SLC4A10: variants seen among roughly 807,000 people sequenced by gnomAD.
The protein encoded by SLC4A10 is solute carrier family 4 member 10.
A neutral mutation model predicts 137.7 loss-of-function variants in SLC4A10; 42 were observed. The observed-to-expected ratio is 0.30, with a 90% CI of 0.24 to 0.39. SLC4A10 has a LOEUF of 0.39. SLC4A10 is among the 10% of genes least tolerant of loss of function. The pLI is 1.00. For synonymous variants in SLC4A10, 474 were observed against 464.1 expected, an observed-to-expected ratio of 1.02 and a Z score of -0.27; for missense variants, 925 against 1,355.0, an observed-to-expected ratio of 0.68 and a Z score of 4.98.
chr2:161,806,819 G>T (rs576297278), intron 3 of SLC4A10, among the ~76,000 whole-genome samples: 3 of 152,150 alleles, frequency 2.0e-5, no homozygotes, highest in African/African-American at 2.4e-5. Flanking sequence ...TCCAACTTCT[G>T]CCTGTTACCC....
intron 15 of SLC4A10, among the ~76,000 whole-genome samples, chr2:161,936,726 C>A (rs1575733417): frequency 6.6e-6 from 1 of 152,080 alleles, no homozygotes; most frequent in African/African-American, 2.4e-5. Flanking sequence ...TTTCAAAACA[C>A]CAACCTTTAG....
intron 3 of SLC4A10, among the ~76,000 whole-genome samples, chr2:161,830,317 A>G (rs1167462528): frequency 6.6e-6 from 1 of 152,186 alleles, no homozygotes; most frequent in African/African-American, 2.4e-5. Context: ...TATTTCTTAT[A>G]CAATGGCAGT....
chr2:161,751,139 G>A (rs1263604536), intron 1 of SLC4A10, among the ~76,000 whole-genome samples: 2 of 151,624 alleles, frequency 1.3e-5, no homozygotes, highest in Admixed American at 6.6e-5. Flanking sequence ...TAGACAGCAT[G>A]CGGTTGGATC....
intron 1 of SLC4A10, among the ~76,000 whole-genome samples, chr2:161,736,031 C>A (rs1559136706): frequency 6.6e-6 from 1 of 151,756 alleles, no homozygotes; most frequent in Non-Finnish European, 1.5e-5. Context: ...TTAAAACTAG[C>A]TTTATTTATC....
intron 1 of SLC4A10, among the ~76,000 whole-genome samples, chr2:161,645,058 T>C (rs527965057): frequency 1.3e-5 from 2 of 152,258 alleles, no homozygotes; most frequent in South Asian, 4.1e-4. Context: ...CAAAAGCAAT[T>C]GAGAATTGGA....
In SLC4A10 at chr2:161,872,275, C is replaced by T; in HGVS notation, c.767-18C>T. ...ATGTAAGTAATTGTTTGTATTCTGT[C>T]ACAACAATCTCTTTTAGCAGGTCAG... On this transcript the variant is annotated intron_variant, in intron 6 of 26. Transcript: ENST00000446997. 1.9e-6 allele frequency: 3 copies of T among 1,592,296 alleles called. No individual in the cohort carries two copies. Among genetic ancestry groups the T allele is most frequent in the Non-Finnish European group, 2.6e-6 (3 of 1,160,736 alleles).
chr2:161,918,988 C>T (rs752495154), intron 15 of SLC4A10, among the ~76,000 whole-genome samples: 6 of 152,208 alleles, frequency 3.9e-5, no homozygotes, highest in Admixed American at 1.3e-4. Flanking sequence ...TGGAAAGCCC[C>T]CTCCCCCCAT....
chr2:161,864,823 A>C (rs1330276100), intron 6 of SLC4A10, among the ~76,000 whole-genome samples: 2 of 152,124 alleles, frequency 1.3e-5, no homozygotes, highest in Non-Finnish European at 2.9e-5. Context: ...ATATTCTAAG[A>C]GATGTATTAC....
At chr2:161,753,948 G>A (rs372600296) in intron 1 of SLC4A10, among the ~76,000 whole-genome samples, 1 of 151,572 alleles carries the variant, frequency 6.6e-6, no homozygotes, top group Middle Eastern at 3.4e-3. Context: ...GGAGTGCAGT[G>A]GCGCAATCTT....
At chr2:161,981,773 G>A (rs566258330) in intron 26 of SLC4A10, among the ~76,000 whole-genome samples, 1 of 152,316 alleles carries the variant, frequency 6.6e-6, no homozygotes, top group Admixed American at 6.5e-5. Flanking sequence ...AAAGAAAAGG[G>A]AGGAAAGTTG....
chr2:161,785,593 G>A (rs2053531414), intron 2 of SLC4A10, among the ~76,000 whole-genome samples: 1 of 151,698 alleles, frequency 6.6e-6, no homozygotes, highest in Admixed American at 6.6e-5. Flanking sequence ...AATGTGATGT[G>A]CCACATTCAC....
At position 161,949,613 on chromosome 2, in the gene SLC4A10, A is replaced by G. The variant is rs1164748811; in HGVS notation, c.2379+352A>G. 2.6e-5 allele frequency among the ~76,000 whole-genome samples: 4 copies of G among 152,188 alleles called. 1 individual carries two copies. In the South Asian group the frequency reaches 8.3e-4, roughly 32 times the overall value. On this transcript the variant is annotated intron_variant, in intron 18 of 26. Transcript: ENST00000446997. ...ACAGTGAATAAGGCTTGGAAAACAG[A>G]TAAAAATAGATTGGGAATAGAATTC...
intron 3 of SLC4A10, among the ~76,000 whole-genome samples, chr2:161,827,816 C>T (rs571170018): frequency 5.1e-4 from 77 of 152,266 alleles, no homozygotes; most frequent in African/African-American, 1.8e-3. Flanking sequence ...CCGCCCTTCT[C>T]GGCCTCCCAA....
At chr2:161,815,343 A>T (rs1244953511) in intron 3 of SLC4A10, among the ~76,000 whole-genome samples, 4 of 152,014 alleles carry the variant, frequency 2.6e-5, no homozygotes, top group Non-Finnish European at 5.9e-5. Flanking sequence ...GATCTGAAGG[A>T]TTTATAAGGC....
chr2:161,746,784 T>C (rs1191700742), intron 1 of SLC4A10, among the ~76,000 whole-genome samples: 1 of 152,264 alleles, frequency 6.6e-6, no homozygotes, highest in Non-Finnish European at 1.5e-5. Flanking sequence ...GCCCAAGCAC[T>C]CTTTAGTCAG....
At chr2:161,971,695 A>C (rs1286328390) in intron 23 of SLC4A10, among the ~76,000 whole-genome samples, 2 of 152,156 alleles carry the variant, frequency 1.3e-5, no homozygotes, top group Non-Finnish European at 2.9e-5. Context: ...GCTTTCTCAC[A>C]GTGCTGCCGG....
At chr2:161,922,426 A>G (rs1559540700) in intron 15 of SLC4A10, among the ~76,000 whole-genome samples, 1 of 152,284 alleles carries the variant, frequency 6.6e-6, no homozygotes, top group East Asian at 1.9e-4. Context: ...TGTATTCATA[A>G]AAGGATTGTC....
chr2:161,813,458 A>G (rs758401523), intron 3 of SLC4A10, among the ~76,000 whole-genome samples: 1 of 152,150 alleles, frequency 6.6e-6, no homozygotes, highest in Non-Finnish European at 1.5e-5. Flanking sequence ...ATGGTTGTCC[A>G]TAAGAATGGG....
intron 1 of SLC4A10, among the ~76,000 whole-genome samples, chr2:161,724,309 A>G (rs2045997337): frequency 6.6e-6 from 1 of 152,210 alleles, no homozygotes; most frequent in Non-Finnish European, 1.5e-5. Flanking sequence ...TACTTTCAAG[A>G]TAATTTTTAG....
Sources: allele counts gnomAD v4.1 joint callset (sites outside exome capture counted in the v4.1 genomes callset), GRCh38; gene constraint gnomAD v4.1.1; transcripts MANE v1.5; gene names NCBI Gene and HGNC (gene_info 2026-07-23, HGNC 2026-07-21).